IGSF11: variants seen among roughly 807,000 people sequenced by gnomAD.
The protein encoded by IGSF11 is immunoglobulin superfamily member 11.
Under a neutral mutation model 41.0 loss-of-function variants are expected in IGSF11, and 22 were observed. The observed-to-expected ratio is 0.54, with a 90% CI of 0.38 to 0.77. The LOEUF is 0.77. Ranked by LOEUF, IGSF11 falls within the 30% of genes least tolerant of loss-of-function variation. The pLI, the probability that IGSF11 is intolerant of heterozygous loss-of-function variation, is 0.00. For missense variants in IGSF11, 444 were observed against 530.8 expected (o/e 0.84, Z 1.61); for synonymous variants, 219 against 201.3 (o/e 1.09, Z -0.74).
intron 6 of IGSF11, 27 bp downstream of exon 6, chr3:118,904,621 C>A: frequency 6.4e-7 from 1 of 1,563,096 alleles, no homozygotes; most frequent in Non-Finnish European, 8.8e-7. Flanking sequence ...CTATGCAGGA[C>A]AAATTTTAAA....
Position 118,936,438 on chromosome 3 carries a change from T to C in IGSF11, c.53-6163A>G, listed in dbSNP as rs530382222. ...AGGAGAGTCGCTTTAACCTGGGAGG[T>C]AGAAGTTGCAGTGAGCCAAGATTGC... On this transcript the variant is annotated intron_variant, in intron 1 of 6. Coordinates refer to ENST00000393775, the MANE Select transcript of IGSF11 (RefSeq NM_001015887.3). 1.2e-4 allele frequency among the ~76,000 whole-genome samples: 18 copies of C among 148,376 alleles called. No individual in the cohort carries two copies. The South Asian group carries it at 3.6e-3, about 30-fold the overall frequency.
At chr3:119,049,989 A>T (rs1461447880) in intron 1 of IGSF11, among the ~76,000 whole-genome samples, 1 of 146,914 alleles carries the variant, frequency 6.8e-6, no homozygotes, top group African/African-American at 2.5e-5. Context: ...ACCTTATACA[A>T]AAATCAATTC....
rs75581885 is a variant in IGSF11 at position 119,086,322 on chromosome 3, T to G, written c.49+18822A>C. ...TAACTTGGAAAACATATTTGAGGAT[T>G]CAATCCATGGAAATTTCTCTAATCT... On this transcript the variant is annotated intron_variant, in intron 1 of 6. Transcript: ENST00000354673. 2.0e-5 allele frequency among the ~76,000 whole-genome samples: 3 copies of G among 152,228 alleles called. No homozygotes were observed. In the East Asian group the frequency reaches 5.8e-4, roughly 29 times the overall value.
In IGSF11 at chr3:118,902,107, TGTTA is replaced by T. The variant is rs1379042329; in HGVS notation, c.*409_*412del. On this transcript the variant is annotated 3_prime_UTR_variant, in exon 7 of 7. Transcript: ENST00000393775. ...AGACGGAACATATCACAGGGTTGCT[TGTTA>T]TTTTCTTAAAGACACCTACCTTTTA... 5.8e-6 allele frequency: 1 copy of T among 171,718 alleles called. No individual in the cohort carries two copies. The highest frequency in any genetic ancestry group is 1.3e-5 in the Non-Finnish European group (1 of 79,144). The allele number at this position is 171,718 out of a possible 1,614,324, so 10.6% of individuals were successfully genotyped here. A position where few individuals can be genotyped will look rare whatever the true frequency, so the allele number is the denominator to read the frequency against.
At chr3:118,965,251 A>G (rs145135876) in intron 1 of IGSF11, among the ~76,000 whole-genome samples, 75 of 152,270 alleles carry the variant, frequency 4.9e-4, no homozygotes, top group African/African-American at 1.6e-3. Flanking sequence ...CTTCTAAGGT[A>G]CCATACTCAA....
chr3:118,959,285 T>C (rs986217797), intron 1 of IGSF11, among the ~76,000 whole-genome samples: 1 of 152,036 alleles, frequency 6.6e-6, no homozygotes, highest in African/African-American at 2.4e-5. Context: ...CATTCCTGAT[T>C]GAGATTACAT....
intron 4 of IGSF11, 41 bp downstream of exon 4, chr3:118,926,060 C>A: frequency 7.3e-7 from 1 of 1,370,724 alleles, no homozygotes; most frequent in South Asian, 1.8e-5. Context: ...TAGAATTGTC[C>A]ATGATAACTA....
intron 1 of IGSF11, among the ~76,000 whole-genome samples, chr3:118,988,653 A>G (rs1935490697): frequency 6.6e-6 from 1 of 152,216 alleles, no homozygotes; most frequent in Non-Finnish European, 1.5e-5. Context: ...TGGAGGACAG[A>G]ATGGCATCTG....
intron 1 of IGSF11, among the ~76,000 whole-genome samples, chr3:118,951,317 A>T (rs143493928): frequency 1.3e-5 from 2 of 152,298 alleles, no homozygotes; most frequent in African/African-American, 4.8e-5. Context: ...CTGACAAATG[A>T]GTATGGTTTG....
chr3:118,973,601 A>T (rs1223130275), intron 1 of IGSF11, among the ~76,000 whole-genome samples: 1 of 152,094 alleles, frequency 6.6e-6, no homozygotes, highest in Non-Finnish European at 1.5e-5. Flanking sequence ...TCAACTTCTC[A>T]GCATTGCTAC....
Position 118,958,666 on chromosome 3 carries a change from G to A in IGSF11, c.53-28391C>T, listed in dbSNP as rs1460374443. 2.0e-5 allele frequency among the ~76,000 whole-genome samples: 3 copies of A among 152,322 alleles called. No homozygotes were observed. The East Asian group carries it at 5.8e-4, about 29-fold the overall frequency. On this transcript the variant is annotated intron_variant, in intron 1 of 6. Coordinates refer to ENST00000393775, the MANE Select transcript of IGSF11 (RefSeq NM_001015887.3). ...CCACCACTAGAATGAATTCAAAAATGAAGAATGCTAGATTTACTTGCAGTG... is the reference window on the plus strand; with the variant it reads ...CCACCACTAGAATGAATTCAAAAATAAAGAATGCTAGATTTACTTGCAGTG...
intron 1 of IGSF11, among the ~76,000 whole-genome samples, chr3:119,070,602 T>G: frequency 6.6e-6 from 1 of 152,344 alleles, no homozygotes; most frequent in Admixed American, 6.5e-5. Context: ...TTTATGTACA[T>G]GTTTTTTTAT....
rs79235262 is a variant in IGSF11, at chr3:119,024,729, G to A, written c.52+9802C>T. 5.4e-4 allele frequency among the ~76,000 whole-genome samples: 82 copies of A among 151,902 alleles called. 3 individuals carry two copies. In the East Asian group the frequency reaches 0.012, roughly 22 times the overall value. ...TAATCAATAATAACACTAGTAAAAT[G>A]TCTATATTTATCACATAACCTAGTA... On this transcript the variant is annotated intron_variant, in intron 1 of 6. Transcript: ENST00000393775.
intron 1 of IGSF11, among the ~76,000 whole-genome samples, chr3:119,060,201 A>T (rs1942008931): frequency 6.6e-6 from 1 of 152,220 alleles, no homozygotes; most frequent in East Asian, 1.9e-4. Flanking sequence ...GCAACCAAGA[A>T]CATTGTCTTT....
At chr3:118,930,781 A>C (rs1942781388) in intron 1 of IGSF11, among the ~76,000 whole-genome samples, 1 of 152,222 alleles carries the variant, frequency 6.6e-6, no homozygotes, top group Non-Finnish European at 1.5e-5. Context: ...GAACTGGGAG[A>C]GTCAATCTTA....
chr3:118,956,476 A>G (rs138194303), intron 1 of IGSF11, among the ~76,000 whole-genome samples: 119 of 152,292 alleles, frequency 7.8e-4, no homozygotes, highest in Non-Finnish European at 1.4e-3. Context: ...TTTCACTTGA[A>G]TACTTTGAGG....
chr3:119,050,968 G>A (rs1338873119), intron 1 of IGSF11, among the ~76,000 whole-genome samples: 1 of 148,754 alleles, frequency 6.7e-6, no homozygotes, highest in African/African-American at 2.5e-5. Flanking sequence ...GACACAGGAA[G>A]GGGAACATCA....
At chr3:119,143,678 T>C (rs1025804440) in intron 1 of IGSF11, among the ~76,000 whole-genome samples, 11 of 152,128 alleles carry the variant, frequency 7.2e-5, no homozygotes, top group African/African-American at 1.9e-4. Context: ...ATTGGCAAAA[T>C]AGATTTTTTT....
intron 4 of IGSF11, among the ~76,000 whole-genome samples, chr3:118,907,678 A>G (rs549143078): frequency 6.6e-6 from 1 of 152,328 alleles, no homozygotes; most frequent in South Asian, 2.1e-4. Context: ...TAATGTTCGT[A>G]ACAAGCTTAT....
Sources: gnomAD v4.1 joint callset for allele counts (sites outside exome capture counted in the v4.1 genomes callset) on GRCh38, gnomAD v4.1.1 for gene constraint, MANE v1.5 for transcripts, NCBI Gene and HGNC (gene_info 2026-07-23, HGNC 2026-07-21) for gene names.